Variants in TBX20 observed in about 807,000 individuals in gnomAD.
TBX20 encodes T-box transcription factor TBX20.
TBX20 carries 8 observed loss-of-function variants against 42.9 expected under a neutral mutation model. That is an observed-to-expected ratio of 0.19 (90% CI 0.11 to 0.34). The LOEUF (loss-of-function observed/expected upper bound fraction) is 0.34, where lower values mean the gene tolerates loss of function less well. Among genes scored for constraint, TBX20 ranks in the 10% least tolerant of loss-of-function variants. The pLI is 1.00. For synonymous variants in TBX20, 198 were observed against 222.8 expected (o/e 0.89, Z 0.99); for missense variants, 411 against 566.0 (o/e 0.73, Z 2.78).
intron 5 of TBX20, among the ~76,000 whole-genome samples, 183 bp from the exon 6 acceptor site, chr7:35,231,763 G>A (rs1789870894): frequency 6.6e-6 from 1 of 152,178 alleles, no homozygotes; most frequent in East Asian, 1.9e-4. Context: ...GGGATGGTAA[G>A]GGAAGGCCTC....
At chr7:35,211,770 C>T (rs1199183003) in intron 6 of TBX20, among the ~76,000 whole-genome samples, 1 of 152,162 alleles carries the variant, frequency 6.6e-6, no homozygotes, top group African/African-American at 2.4e-5. Context: ...TCCTAATTTA[C>T]TTTGTTTCTA....
chr7:35,219,233 C>T (rs1789640507), intron 6 of TBX20, among the ~76,000 whole-genome samples: 2 of 151,882 alleles, frequency 1.3e-5, no homozygotes, highest in African/African-American at 2.4e-5. Context: ...GAGCAGGGGG[C>T]AGAAAACTTT....
At chr7:35,219,839 T>C (rs2128711880) in intron 6 of TBX20, among the ~76,000 whole-genome samples, 1 of 152,324 alleles carries the variant, frequency 6.6e-6, no homozygotes, top group Admixed American at 6.5e-5. Context: ...CTTCCTCACC[T>C]AAACTAATAG....
At chr7:35,230,974 T>C (rs73691655) in intron 6 of TBX20, among the ~76,000 whole-genome samples, 272 of 152,320 alleles carry the variant, frequency 1.8e-3, no homozygotes, top group African/African-American at 5.7e-3. Context: ...TACAGGCACA[T>C]GATTTCACTT....
chr7:35,223,696 G>T lies in TBX20; in HGVS notation c.890+7808C>A, dbSNP rs192950681. Among the ~76,000 whole-genome samples the T allele has an allele frequency of 3.9e-5, 6 of 152,278 alleles. No individual in the cohort carries two copies. In the East Asian group the frequency reaches 1.2e-3, roughly 29 times the overall value. On this transcript the variant is annotated intron_variant, in intron 6 of 7. Coordinates refer to ENST00000408931, the MANE Select transcript of TBX20 (RefSeq NM_001077653.2). ...GGGTTTAGCAATGAGGAGGTCACTG[G>T]TGACTTTGACAAGGGTGGACTAGAG...
intron 5 of TBX20, among the ~76,000 whole-genome samples, chr7:35,236,224 C>G (rs59854940): frequency 0.36 from 54,357 of 150,056 alleles, 10,155 homozygotes; most frequent in Admixed American, 0.46. Flanking sequence ...GATTTCAATA[C>G]ACATAAAAAT....
At chr7:35,241,995 T>G (rs769022093) in intron 4 of TBX20, among the ~76,000 whole-genome samples, 6 of 152,104 alleles carry the variant, frequency 3.9e-5, no homozygotes, top group Non-Finnish European at 8.8e-5. Flanking sequence ...GGGCTCACAT[T>G]GCATGCCCTC....
chr7:35,213,995 T>A (rs190031566), intron 6 of TBX20, among the ~76,000 whole-genome samples: 208 of 151,102 alleles, frequency 1.4e-3, no homozygotes, highest in African/African-American at 4.7e-3. Flanking sequence ...GTATGTTAGA[T>A]GTTGATAATA....
At chr7:35,236,387 A>C (rs1463290327) in intron 5 of TBX20, among the ~76,000 whole-genome samples, 2 of 152,058 alleles carry the variant, frequency 1.3e-5, no homozygotes, top group African/African-American at 4.8e-5. Flanking sequence ...CTATATATTT[A>C]TTATATGTTA....
Position 35,248,805 on chromosome 7 carries a change from C to T in TBX20, c.417G>A (p.Gly139=), listed in dbSNP as rs753944089. Residue 139 remains glycine (G), a synonymous_variant, in exon 3 of 8, where the codon GGG becomes GGA. Transcript: ENST00000408931. ...CTATGTACTTGGCCTCAGGATCCAC[C>T]CCCGAAAAGGACACCCGGATGGTTG... ...MFPTIRVSFS[G]VDPEAKYIVL... 3 of 1,614,072 alleles carry T rather than the reference C, an allele frequency of 1.9e-6. No homozygotes were observed. The South Asian group carries it at 3.3e-5, about 18-fold the overall frequency.
At chr7:35,216,737 G>A (rs561870726) in intron 6 of TBX20, among the ~76,000 whole-genome samples, 162 of 152,200 alleles carry the variant, frequency 1.1e-3, no homozygotes, top group Admixed American at 2.2e-3. Context: ...AATATTAAAT[G>A]TTATTTCAAT....
rs1237784252 is a variant in TBX20, at chr7:35,227,802, G to A, written c.890+3702C>T. ...GTAGGATACAGATTACCAGCGTCTC[G>A]AAGGGAGAGTAAATTGGAAGTTATT... On this transcript the variant is annotated intron_variant, in intron 6 of 7. Transcript: ENST00000408931. Among the ~76,000 whole-genome samples, 8 of 152,182 alleles carry A rather than the reference G, an allele frequency of 5.3e-5. No individual in the cohort carries two copies. The South Asian group carries it at 1.0e-3, about 20-fold the overall frequency.
At chr7:35,212,076 A>G (rs1222384875) in intron 6 of TBX20, among the ~76,000 whole-genome samples, 1 of 151,704 alleles carries the variant, frequency 6.6e-6, no homozygotes, top group Non-Finnish European at 1.5e-5. Context: ...GCCACTTGAA[A>G]TTTTCCCACA....
At chr7:35,243,188 G>A (rs748552910) in intron 4 of TBX20, among the ~76,000 whole-genome samples, 8 of 152,056 alleles carry the variant, frequency 5.3e-5, no homozygotes, top group Admixed American at 2.0e-4. Context: ...GTCTCTCTAC[G>A]TTGCTCTGGC....
At chr7:35,208,834 C>T (rs1789447128) in intron 6 of TBX20, among the ~76,000 whole-genome samples, 1 of 140,382 alleles carries the variant, frequency 7.1e-6, no homozygotes, top group Non-Finnish European at 1.5e-5. Context: ...TTCAATTTTT[C>T]ACCATTAGAT....
intron 6 of TBX20, among the ~76,000 whole-genome samples, chr7:35,217,198 A>C (rs1392815565): frequency 2.0e-5 from 3 of 152,140 alleles, no homozygotes; most frequent in Non-Finnish European, 4.4e-5. Context: ...TTTTCTTTTC[A>C]GTAATATACA....
At chr7:35,208,041 T>G (rs1466524275) in intron 6 of TBX20, among the ~76,000 whole-genome samples, 2 of 152,234 alleles carry the variant, frequency 1.3e-5, no homozygotes, top group African/African-American at 4.8e-5. Flanking sequence ...ACTGATATCT[T>G]AATATTGCAT....
At chr7:35,239,742 T>G (rs1315600177) in intron 5 of TBX20, among the ~76,000 whole-genome samples, 2 of 146,912 alleles carry the variant, frequency 1.4e-5, no homozygotes, top group African/African-American at 2.5e-5. Flanking sequence ...TTAATTTAAG[T>G]TTTTTTTTTT....
chr7:35,213,270 G>A (rs1385917360), intron 6 of TBX20, among the ~76,000 whole-genome samples: 1 of 152,094 alleles, frequency 6.6e-6, no homozygotes, highest in African/African-American at 2.4e-5. Flanking sequence ...GTCTCTCCAG[G>A]GGAACTTCTA....
Sources: allele counts gnomAD v4.1 joint callset (sites outside exome capture counted in the v4.1 genomes callset), GRCh38; gene constraint gnomAD v4.1.1; transcripts MANE v1.5; gene names NCBI Gene and HGNC (gene_info 2026-07-23, HGNC 2026-07-21).